Variants in AFF1 observed in about 807,000 individuals in gnomAD.
AFF1 encodes AF4/FMR2 family member 1.
Under a neutral mutation model 121.7 loss-of-function variants are expected in AFF1, and 48 were observed. The ratio of observed to expected loss-of-function variants is 0.39; its 90% CI spans 0.31 to 0.50. The LOEUF is 0.50. Among genes scored for constraint, AFF1 ranks in the 20% least tolerant of loss-of-function variants. AFF1 has a pLI of 0.76. For synonymous variants in AFF1, 613 were observed against 563.0 expected, an observed-to-expected ratio of 1.09 and a Z score of -1.26; for missense variants, 1,523 against 1,511.7, an observed-to-expected ratio of 1.01 and a Z score of -0.12.
At chr4:87,061,699 T>A (rs1386200219) in intron 4 of AFF1, among the ~76,000 whole-genome samples, 3 of 152,200 alleles carry the variant, frequency 2.0e-5, no homozygotes, top group Non-Finnish European at 2.9e-5. Flanking sequence ...ACCTGCTTGA[T>A]CCCTGTAACT....
intron 4 of AFF1, among the ~76,000 whole-genome samples, chr4:87,075,868 C>CT (rs1722619030): frequency 6.6e-6 from 1 of 152,230 alleles, no homozygotes; most frequent in South Asian, 2.1e-4. Context: ...ACTCTAATTA[C>CT]TTTTTGGTTA....
intron 4 of AFF1, among the ~76,000 whole-genome samples, chr4:87,050,898 A>AAG (rs1377257338): frequency 6.6e-6 from 1 of 152,208 alleles, no homozygotes; most frequent in Non-Finnish European, 1.5e-5. Context: ...TAACAAGTGA[A>AAG]AGAGAGAGAA....
intron 5 of AFF1, among the ~76,000 whole-genome samples, chr4:87,089,660 C>G (rs1400828301): frequency 6.6e-6 from 1 of 152,208 alleles, no homozygotes; most frequent in Non-Finnish European, 1.5e-5. Flanking sequence ...CACCTACAGT[C>G]TTCACAGCTC....
At chr4:87,091,354 G>C (rs1487314904) in intron 6 of AFF1, among the ~76,000 whole-genome samples, 1 of 152,178 alleles carries the variant, frequency 6.6e-6, no homozygotes, top group Non-Finnish European at 1.5e-5. Context: ...AGTGAGCCGA[G>C]ATTGCACCAC....
At chr4:86,952,487 TA>T (rs1721421257) in intron 2 of AFF1, among the ~76,000 whole-genome samples, 1 of 152,140 alleles carries the variant, frequency 6.6e-6, no homozygotes, top group African/African-American at 2.4e-5. Context: ...TTGGCATGAT[TA>T]AAAAGATGTT....
intron 5 of AFF1, among the ~76,000 whole-genome samples, chr4:87,087,183 G>C (rs180698466): frequency 6.6e-6 from 1 of 152,306 alleles, no homozygotes; most frequent in Non-Finnish European, 1.5e-5. Flanking sequence ...ACAATGAGTG[G>C]TAGCACTATT....
intron 1 of AFF1, among the ~76,000 whole-genome samples, chr4:86,944,180 G>A (rs1314982432): frequency 2.0e-5 from 3 of 149,958 alleles, no homozygotes; most frequent in Non-Finnish European, 4.4e-5. Flanking sequence ...CCTAGTGTGT[G>A]GAATTGCCCC....
intron 2 of AFF1, among the ~76,000 whole-genome samples, chr4:86,989,469 A>G (rs1278716020): frequency 6.6e-6 from 1 of 152,232 alleles, no homozygotes; most frequent in Admixed American, 6.5e-5. Flanking sequence ...AATCAAAACC[A>G]CAATGAGATA....
intron 16 of AFF1, 113 bp from the exon 17 acceptor site, chr4:87,130,970 C>T (rs1728772468): frequency 7.3e-7 from 1 of 1,378,186 alleles, no homozygotes; most frequent in Non-Finnish European, 1.0e-6. Context: ...CACACTTCTC[C>T]CTGGCCATAA....
In AFF1 at chr4:87,138,486, A is replaced by G. The variant is rs1185690754; in HGVS notation, c.*2785A>G. ...GAGTGTAAATCTTGCCTTTGGCACT[A>G]CAAGGTGTGTGTGTGTGTGTGTGTG... On this transcript the variant is annotated 3_prime_UTR_variant, in exon 21 of 21. Coordinates refer to ENST00000395146, the MANE Select transcript of AFF1 (RefSeq NM_001166693.3). 5.4e-6 allele frequency: 1 copy of G among 185,322 alleles called. No individual in the cohort carries two copies. The highest frequency in any genetic ancestry group is 1.0e-5 in the Non-Finnish European group (1 of 99,884). The allele number at this position is 185,322 out of a possible 1,614,324, so 11.5% of individuals were successfully genotyped here.
intron 2 of AFF1, among the ~76,000 whole-genome samples, chr4:87,026,050 C>T (rs1025683878): frequency 6.8e-6 from 1 of 146,258 alleles, no homozygotes; most frequent in East Asian, 2.0e-4. Flanking sequence ...TCACTAACTC[C>T]AGAGACCATG....
At chr4:86,973,584 T>C (rs1369810200) in intron 2 of AFF1, among the ~76,000 whole-genome samples, 1 of 152,188 alleles carries the variant, frequency 6.6e-6, no homozygotes, top group East Asian at 1.9e-4. Flanking sequence ...TTTCCTTATT[T>C]ATTTCTGGAA....
chr4:86,996,359 T>C (rs1334038913), intron 2 of AFF1, among the ~76,000 whole-genome samples: 6 of 149,948 alleles, frequency 4.0e-5, no homozygotes, highest in African/African-American at 1.5e-4. Context: ...CATGGGAGAC[T>C]TTTCATTTTG....
intron 8 of AFF1, among the ~76,000 whole-genome samples, chr4:87,100,532 A>G (rs1578249228): frequency 6.6e-6 from 1 of 152,190 alleles, no homozygotes; most frequent in South Asian, 2.1e-4. Context: ...ACCTCTAGCC[A>G]TCCTTTCTCT....
chr4:86,936,912 A>G (rs1639342361), intron 1 of AFF1, among the ~76,000 whole-genome samples: 2 of 152,256 alleles, frequency 1.3e-5, no homozygotes. Flanking sequence ...AAAACTAGAG[A>G]AACTCACTGG....
intron 2 of AFF1, among the ~76,000 whole-genome samples, chr4:86,956,177 A>G (rs4565047): frequency 0.021 from 3,224 of 152,324 alleles, 137 homozygotes; most frequent in African/African-American, 0.073. Flanking sequence ...AAGTGCAATA[A>G]TATTTCTTAT....
chr4:87,032,140 T>TTAC (rs1729142578), intron 2 of AFF1, among the ~76,000 whole-genome samples: 2 of 152,180 alleles, frequency 1.3e-5, no homozygotes, highest in Admixed American at 1.3e-4. Context: ...AAACAATGAC[T>TTAC]TACTGTTTAG....
At position 87,114,856 on chromosome 4, in the gene AFF1, GAGA is replaced by G. The variant is rs759144285; in HGVS notation, c.2032_2034del (p.Lys678del). 1.3e-5 allele frequency: 21 copies of G among 1,613,948 alleles called. No individual in the cohort carries two copies. Among genetic ancestry groups the G allele is most frequent in the Middle Eastern group, 3.3e-4 (2 of 6,058 alleles). ...CAAGCCAGCAGTGCCCCCCTCCAGT[GAGA>G]AGAAGAAGCACAAGAGCTCCCTCCC... On this transcript the variant is annotated inframe_deletion, in exon 12 of 21. Transcript: ENST00000395146.
At chr4:87,107,349 A>G (rs1473925827) in intron 10 of AFF1, among the ~76,000 whole-genome samples, 1 of 152,180 alleles carries the variant, frequency 6.6e-6, no homozygotes, top group Non-Finnish European at 1.5e-5. Flanking sequence ...CTTTGAAATT[A>G]TATATGTGTC....
Sources: allele counts gnomAD v4.1 joint callset (sites outside exome capture counted in the v4.1 genomes callset), GRCh38; gene constraint gnomAD v4.1.1; transcripts MANE v1.5; gene names NCBI Gene and HGNC (gene_info 2026-07-23, HGNC 2026-07-21).